The following ME1 variants were observed in gnomAD, a reference collection of about 807,000 sequenced individuals.
The protein encoded by ME1 is NADP-dependent malic enzyme.
A neutral mutation model predicts 66.4 loss-of-function variants in ME1; 74 were observed. That is an observed-to-expected ratio of 1.11 (90% CI 0.92 to 1.35). The LOEUF (loss-of-function observed/expected upper bound fraction) is 1.35, where lower values mean the gene tolerates loss of function less well. ME1 is among the 40% of genes most tolerant of loss of function. The probability of loss-of-function intolerance (pLI) is 0.00; values close to 1 mark genes in which losing one functional copy is unlikely to be tolerated. For missense variants in ME1, 750 were observed against 694.1 expected, an observed-to-expected ratio of 1.08 and a Z score of -0.90; for synonymous variants, 251 against 235.6, an observed-to-expected ratio of 1.07 and a Z score of -0.60.
At chr6:83,231,642 TTTATTTTTCA>T (rs2128524493) in intron 9 of ME1, among the ~76,000 whole-genome samples, 1 of 152,344 alleles carries the variant, frequency 6.6e-6, no homozygotes, top group South Asian at 2.1e-4. Flanking sequence ...CTTATTTTTC[TTTATTTTTCA>T]AAATCTGATT....
intron 12 of ME1, among the ~76,000 whole-genome samples, chr6:83,221,860 G>A (rs1373525955): frequency 6.6e-6 from 1 of 152,144 alleles, no homozygotes; most frequent in Non-Finnish European, 1.5e-5. Flanking sequence ...ACATAATTTA[G>A]ATGATATAAA....
At chr6:83,250,983 C>A in intron 7 of ME1, among the ~76,000 whole-genome samples, 1 of 152,198 alleles carries the variant, frequency 6.6e-6, no homozygotes, top group East Asian at 1.9e-4. Flanking sequence ...AATAACTTTA[C>A]AAAAACAGGC....
At chr6:83,349,271 G>C (rs1237500449) in intron 4 of ME1, among the ~76,000 whole-genome samples, 1 of 152,010 alleles carries the variant, frequency 6.6e-6, no homozygotes, top group Non-Finnish European at 1.5e-5. Flanking sequence ...AAGAAAAAAA[G>C]TTTTGTCACT....
At chr6:83,430,801 G>T in intron 1 of ME1, 76 bp downstream of exon 1, 3 of 1,304,588 alleles carry the variant, frequency 2.3e-6, no homozygotes, top group Non-Finnish European at 3.2e-6. Flanking sequence ...CGAGGCCATG[G>T]TGCGGGGACC....
chr6:83,226,057 A>G (rs189635676), intron 11 of ME1, among the ~76,000 whole-genome samples: 146 of 151,958 alleles, frequency 9.6e-4, no homozygotes, highest in African/African-American at 3.4e-3. Context: ...TCCTATCTTC[A>G]CCTGTGCCTA....
intron 7 of ME1, among the ~76,000 whole-genome samples, chr6:83,245,050 C>T (rs1248479789): frequency 3.3e-5 from 5 of 151,648 alleles, no homozygotes; most frequent in African/African-American, 9.7e-5. Flanking sequence ...GGCAGTATTC[C>T]GAGGAAGAAA....
chr6:83,290,255 G>A (rs904479656), intron 6 of ME1, among the ~76,000 whole-genome samples: 6 of 152,076 alleles, frequency 3.9e-5, no homozygotes, highest in African/African-American at 1.4e-4. Flanking sequence ...GCTTTCTCTT[G>A]TGGGCATTTA....
chr6:83,254,979 C>T (rs1478101015), intron 6 of ME1, among the ~76,000 whole-genome samples: 1 of 152,106 alleles, frequency 6.6e-6, no homozygotes, highest in Admixed American at 6.6e-5. Flanking sequence ...CAAACCACTA[C>T]CCCCTGATAT....
At chr6:83,249,587 G>T (rs1790686973) in intron 7 of ME1, among the ~76,000 whole-genome samples, 1 of 152,062 alleles carries the variant, frequency 6.6e-6, no homozygotes, top group African/African-American at 2.4e-5. Context: ...TAATTATTTT[G>T]TCCTCAATGT....
At chr6:83,241,578 A>T (rs865895442) in intron 7 of ME1, among the ~76,000 whole-genome samples, 1 of 151,964 alleles carries the variant, frequency 6.6e-6, no homozygotes, top group African/African-American at 2.4e-5. Flanking sequence ...TGAAAACACT[A>T]ATCTTCCATT....
At chr6:83,218,134 G>A (rs1290515303) in intron 12 of ME1, among the ~76,000 whole-genome samples, 5 of 152,118 alleles carry the variant, frequency 3.3e-5, no homozygotes, top group Non-Finnish European at 7.3e-5. Context: ...CCAAACTTCA[G>A]GACAAAGATA....
At chr6:83,277,616 T>C (rs889088018) in intron 6 of ME1, among the ~76,000 whole-genome samples, 1 of 152,036 alleles carries the variant, frequency 6.6e-6, no homozygotes, top group African/African-American at 2.4e-5. Flanking sequence ...AAAATAAGAT[T>C]TGGGGCCAGG....
chr6:83,405,705 TTTTTGTTGTTGTTGTTG>T (rs1227040377), intron 2 of ME1, among the ~76,000 whole-genome samples: 151 of 134,566 alleles, frequency 1.1e-3, no homozygotes, highest in African/African-American at 4.8e-3. Flanking sequence ...TTGAGAGTTT[TTTTTGTTGTTGTTGTTG>T]TTTTTTTTTT....
intron 7 of ME1, among the ~76,000 whole-genome samples, chr6:83,246,328 T>A (rs565768436): frequency 4.6e-5 from 7 of 152,274 alleles, no homozygotes; most frequent in Non-Finnish European, 8.8e-5. Context: ...ATTAAACAGT[T>A]AAAATCCAGA....
intron 11 of ME1, among the ~76,000 whole-genome samples, chr6:83,226,954 G>A (rs542106714): frequency 2.1e-4 from 32 of 152,200 alleles, no homozygotes; most frequent in Admixed American, 1.9e-3. Context: ...ATTTAGCAAA[G>A]CAAAAATAAG....
At chr6:83,287,094 G>A (rs913650377) in intron 6 of ME1, among the ~76,000 whole-genome samples, 2 of 151,794 alleles carry the variant, frequency 1.3e-5, no homozygotes, top group South Asian at 2.1e-4. Context: ...AATTTTCATC[G>A]ACAAATACTA....
chr6:83,224,017 C>A, intron 11 of ME1, 84 bp from the exon 12 acceptor site: 1 of 1,189,858 alleles, frequency 8.4e-7, no homozygotes, highest in African/African-American at 1.6e-5. Flanking sequence ...TACCCCACAG[C>A]CTAAATTATA....
intron 3 of ME1, among the ~76,000 whole-genome samples, chr6:83,372,677 T>A (rs1398482723): frequency 6.6e-6 from 1 of 152,218 alleles, no homozygotes; most frequent in Non-Finnish European, 1.5e-5. Context: ...GTGCTTTATC[T>A]GGTTTTTCAC....
At position 83,431,042 on chromosome 6, in the gene ME1, G is replaced by A. The variant is rs1185852410; in HGVS notation, c.-88C>T. 1.1e-5 allele frequency: 9 copies of A among 797,062 alleles called. No individual in the cohort carries two copies. Among genetic ancestry groups the A allele is most frequent in the Non-Finnish European group, 1.6e-5 (9 of 564,876 alleles). The allele number at this position is 797,062 out of a possible 1,614,324, so 49.4% of individuals were successfully genotyped here. A position where few individuals can be genotyped will look rare whatever the true frequency, so the allele number is the denominator to read the frequency against. On this transcript the variant is annotated 5_prime_UTR_variant, in exon 1 of 14. Transcript: ENST00000369705. ...CGGATGCTGCTGGGGTGACGGTGCT[G>A]ACTGCAGCTGTGGCGGCGGCGGCCG...
Sources: gnomAD v4.1 joint callset for allele counts (sites outside exome capture counted in the v4.1 genomes callset) on GRCh38, gnomAD v4.1.1 for gene constraint, MANE v1.5 for transcripts, NCBI Gene and HGNC (gene_info 2026-07-23, HGNC 2026-07-21) for gene names.